The following RAB3GAP2 variants were observed in gnomAD, a reference collection of about 807,000 sequenced individuals.
The protein encoded by RAB3GAP2 is rab3 GTPase-activating protein non-catalytic subunit.
RAB3GAP2 carries 87 observed loss-of-function variants against 185.3 expected under a neutral mutation model. The ratio of observed to expected loss-of-function variants is 0.47; its 90% CI spans 0.39 to 0.56. The LOEUF is 0.56. Ranked by LOEUF, RAB3GAP2 falls within the 20% of genes least tolerant of loss-of-function variation. The pLI is 0.00. For synonymous variants in RAB3GAP2, 554 were observed against 576.1 expected (o/e 0.96, Z 0.55); for missense variants, 1,492 against 1,638.2 (o/e 0.91, Z 1.54).
chr1:220,195,143 C>T lies in RAB3GAP2; in HGVS notation c.1065G>A (p.Lys355=), dbSNP rs1018611578. The T allele has an allele frequency of 1.9e-6, 3 of 1,614,034 alleles. No homozygotes were observed. The highest frequency in any genetic ancestry group is 2.7e-5 in the African/African-American group (2 of 74,934). ...GCTTTTGGACAGCTTCTTCTTCGTG[C>T]TTACTTTTCCAACCAAGCCAACCAC... ...AASGWLGWKS[K]HEEEAVQKQK... Residue 355 remains lysine (K), a synonymous_variant, in exon 12 of 35, where the codon AAG becomes AAA. Coordinates refer to ENST00000358951, the MANE Select transcript of RAB3GAP2 (RefSeq NM_012414.4).
intron 21 of RAB3GAP2, among the ~76,000 whole-genome samples, chr1:220,181,178 G>C (rs1658397622): frequency 6.6e-6 from 1 of 152,154 alleles, no homozygotes; most frequent in African/African-American, 2.4e-5. Flanking sequence ...ACCTAGGCTG[G>C]AGTGCAGAGG....
At chr1:220,241,974 G>A (rs1326823129) in intron 1 of RAB3GAP2, among the ~76,000 whole-genome samples, 1 of 151,828 alleles carries the variant, frequency 6.6e-6, no homozygotes, top group African/African-American at 2.4e-5. Flanking sequence ...GCTAACTAAA[G>A]GTAATTTCTG....
chr1:220,264,323 A>G (rs942010467), intron 1 of RAB3GAP2, among the ~76,000 whole-genome samples: 29 of 152,258 alleles, frequency 1.9e-4, no homozygotes, highest in African/African-American at 6.7e-4. Context: ...CTTGATAATT[A>G]AACAAAAAGT....
chr1:220,261,445 G>A (rs2102532343), intron 1 of RAB3GAP2, among the ~76,000 whole-genome samples: 1 of 152,220 alleles, frequency 6.6e-6, no homozygotes, highest in Admixed American at 6.5e-5. Flanking sequence ...CTCCTCTTTT[G>A]GAATACTGCA....
intron 1 of RAB3GAP2, chr1:220,267,503 G>A: frequency 1.4e-6 from 2 of 1,410,880 alleles, no homozygotes; most frequent in Non-Finnish European, 2.0e-6. Context: ...CCTTTACCCG[G>A]AGGGCGACCA....
intron 1 of RAB3GAP2, among the ~76,000 whole-genome samples, chr1:220,270,206 A>G (rs1660309679): frequency 6.6e-6 from 1 of 152,168 alleles, no homozygotes; most frequent in African/African-American, 2.4e-5. Flanking sequence ...TTACTCTCAC[A>G]TGATTTTCCT....
chr1:220,177,446 C>T (rs532008323), intron 21 of RAB3GAP2, among the ~76,000 whole-genome samples: 23 of 152,224 alleles, frequency 1.5e-4, no homozygotes, highest in African/African-American at 4.8e-4. Context: ...CAGGGAAACA[C>T]GACCTCACCA....
intron 1 of RAB3GAP2, among the ~76,000 whole-genome samples, chr1:220,238,082 C>A (rs1031861256): frequency 6.6e-6 from 1 of 151,928 alleles, no homozygotes; most frequent in Non-Finnish European, 1.5e-5. Context: ...TCTCTGTCAC[C>A]CAGATTGGAG....
intron 29 of RAB3GAP2, 96 bp downstream of exon 29, chr1:220,159,290 A>T: frequency 9.7e-7 from 1 of 1,032,592 alleles, no homozygotes; most frequent in South Asian, 1.4e-5. Flanking sequence ...CGTCATCACA[A>T]TGATAAAAGG....
chr1:220,193,393 GA>G lies in RAB3GAP2; in HGVS notation c.1131-15del. 4 of 1,611,548 alleles carry G rather than the reference GA, an allele frequency of 2.5e-6. No individual in the cohort carries two copies. Among genetic ancestry groups the G allele is most frequent in the Non-Finnish European group, 2.5e-6 (3 of 1,178,664 alleles). ...GGAAGTCCAAATCTGATATTTAAAAGAAAATAAAATGCTCAAATCACATTCC... is the reference window on the plus strand; with the variant it reads ...GGAAGTCCAAATCTGATATTTAAAAGAAATAAAATGCTCAAATCACATTCC... On this transcript the variant is annotated splice_polypyrimidine_tract_variant and intron_variant, in intron 12 of 34. Transcript: ENST00000358951.
chr1:220,272,350 C>A lies in RAB3GAP2; in HGVS notation c.-13G>T, dbSNP rs1660353523. 6.3e-7 allele frequency: 1 copy of A among 1,589,934 alleles called. No homozygotes were observed. Among genetic ancestry groups the A allele is most frequent in the Non-Finnish European group, 8.6e-7 (1 of 1,163,444 alleles). ...TGGAGCAGGCCATGGCTCCAGGGAA[C>A]CCCACTACGGCACTCACCTTACCTC... is the stretch of plus-strand genomic sequence containing the variant. On this transcript the variant is annotated 5_prime_UTR_variant, in exon 1 of 35. Transcript: ENST00000358951.
At chr1:220,167,810 C>G (rs1194401118) in intron 24 of RAB3GAP2, 135 bp from the exon 25 acceptor site, 32 of 966,700 alleles carry the variant, frequency 3.3e-5, no homozygotes, top group Non-Finnish European at 5.0e-5. Flanking sequence ...CCGAAAAAGC[C>G]ATGAGATTTA....
chr1:220,167,289 T>C lies in RAB3GAP2; in HGVS notation c.3087+4A>G. On this transcript the variant is annotated splice_donor_region_variant and intron_variant, in intron 26 of 34. Coordinates refer to ENST00000358951, the MANE Select transcript of RAB3GAP2 (RefSeq NM_012414.4). The stretch of plus-strand genomic sequence containing the variant: ...TAACATGAAAGAGGTAACGAGAATC[T>C]TACCTCTGGATCTTTATTCCACTGA... 2 of 1,611,532 alleles carry C rather than the reference T, an allele frequency of 1.2e-6. No individual in the cohort carries two copies. Among genetic ancestry groups the C allele is most frequent in the Non-Finnish European group, 1.7e-6 (2 of 1,177,656 alleles).
Position 220,195,162 on chromosome 1 carries a change from CA to C in RAB3GAP2, c.1045del (p.Trp349GlyfsTer26). 1 of 1,614,086 alleles carries C rather than the reference CA, an allele frequency of 6.2e-7. No individual in the cohort carries two copies. Among genetic ancestry groups the C allele is most frequent in the Non-Finnish European group, 8.5e-7 (1 of 1,179,992 alleles). ...TTCGTGCTTACTTTTCCAACCAAGC[CA>C]ACCACTGAAAAGAAAGAAAACTTAG... ...TSALFNAASGWLGWKSKHEEE... is the reference protein window; with the variant it reads ...TSALFNAASGXLGWKSKHEEE... On this transcript the variant is annotated frameshift_variant, in exon 12 of 35. Transcript: ENST00000358951. LOFTEE classifies it high-confidence loss of function.
chr1:220,185,081 A>C (rs1254311462), intron 18 of RAB3GAP2, among the ~76,000 whole-genome samples: 1 of 152,148 alleles, frequency 6.6e-6, no homozygotes, highest in East Asian at 1.9e-4. Flanking sequence ...TCCACTGCAC[A>C]CAATTTAACT....
At chr1:220,190,188 T>G in intron 15 of RAB3GAP2, 42 bp from the exon 16 acceptor site, 4 of 1,567,214 alleles carry the variant, frequency 2.6e-6, no homozygotes, top group South Asian at 2.2e-5. Context: ...AATGTGAAAT[T>G]ATTTTCTTTC....
chr1:220,167,788 C>T (rs550421129), intron 24 of RAB3GAP2, 113 bp from the exon 25 acceptor site: 48 of 1,165,326 alleles, frequency 4.1e-5, no homozygotes, highest in Non-Finnish European at 5.8e-5. Flanking sequence ...CATTTCTCAG[C>T]CTGAAGCTGA....
chr1:220,261,269 T>A lies in RAB3GAP2; in HGVS notation c.115+10954A>T, dbSNP rs74142504. ...GATACCTAGGAGTTTCAAGAATTCT[T>A]CTCTATGAGGAAGGTTCAACAACTT... On this transcript the variant is annotated intron_variant, in intron 1 of 34. Coordinates refer to ENST00000358951, the MANE Select transcript of RAB3GAP2 (RefSeq NM_012414.4). Among the ~76,000 whole-genome samples, 1,210 of 152,274 alleles carry A rather than the reference T, an allele frequency of 7.9e-3. 13 individuals carry two copies. Among genetic ancestry groups the A allele is most frequent in the African/African-American group, 0.028 (1,160 of 41,548 alleles).
Position 220,151,373 on chromosome 1 carries a change from T to C in RAB3GAP2, c.4060A>G (p.Ile1354Val), listed in dbSNP as rs59190330. The C allele has an allele frequency of 5.3e-4, 852 of 1,614,184 alleles. 2 individuals are homozygous for C. The highest frequency in any genetic ancestry group is 5.1e-3 in the African/African-American group (386 of 75,046). ...TTTACTAGTTTAGCTGTTGTTGCAA[T>C]TGGCACTTCAGTGTTTTGAAGGTCC... ...PQDLQNTEVP[I>V]ATTAKLVNKV... Residue 1354 changes from isoleucine (I) to valine (V), a missense_variant, in exon 35 of 35, where the codon ATT becomes GTT. By Grantham distance (29) the Ile-to-Val change is conservative. This residue lies in a region of RAB3GAP2 where 387 missense variants were observed against 455.3 expected (regional missense o/e 0.85). Coordinates refer to ENST00000358951, the MANE Select transcript of RAB3GAP2 (RefSeq NM_012414.4).
Sources: gnomAD v4.1 joint callset for allele counts (sites outside exome capture counted in the v4.1 genomes callset) on GRCh38, gnomAD v4.1.1 for gene constraint, gnomAD v4.1.1 regional missense constraint, MANE v1.5 for transcripts, NCBI Gene and HGNC (gene_info 2026-07-23, HGNC 2026-07-21) for gene names.